IQCM: variants seen among roughly 807,000 people sequenced by gnomAD.
IQCM encodes IQ domain-containing protein M.
In IQCM, 45 loss-of-function variants were observed where a neutral mutation model predicts 57.6. That is an observed-to-expected ratio of 0.78 (90% CI 0.62 to 1.00). The LOEUF is 1.00. Among genes scored for constraint, IQCM ranks in the 50% least tolerant of loss-of-function variants. The pLI is 0.00. For synonymous variants in IQCM, 148 were observed against 158.9 expected, an observed-to-expected ratio of 0.93 and a Z score of 0.51; for missense variants, 468 against 511.6, an observed-to-expected ratio of 0.91 and a Z score of 0.82.
intron 2 of IQCM, among the ~76,000 whole-genome samples, chr4:149,746,409 A>C (rs576920919): frequency 1.5e-4 from 23 of 152,162 alleles, no homozygotes; most frequent in Admixed American, 7.9e-4. Flanking sequence ...TCATTCTGGG[A>C]CTGCTGAAAT....
intron 9 of IQCM, 99 bp from the exon 10 acceptor site, chr4:149,563,989 A>C: frequency 1.7e-5 from 9 of 528,838 alleles, no homozygotes; most frequent in Non-Finnish European, 2.6e-5. Context: ...TGAAATAGGA[A>C]ATATATTATA....
chr4:149,613,946 C>T (rs902220961), intron 8 of IQCM, among the ~76,000 whole-genome samples: 1 of 152,180 alleles, frequency 6.6e-6, no homozygotes, highest in South Asian at 2.1e-4. Context: ...ATATGTGCCA[C>T]ATTTTCTTAA....
rs951821381 is a variant in IQCM at position 149,352,059 on chromosome 4, T to C, written c.1398A>G (p.Gly466=). Residue 466 remains glycine (G), a synonymous_variant, in exon 14 of 14, where the codon GGA becomes GGG. Transcript: ENST00000636793. ...GEEGYRYIVN[G]HPALKRANIR... is the part of the protein sequence containing the mutation. ...TGTTAGCTCGTTTGAGTGCTGGATG[T>C]CCATTTACTATAATACAAAACATAC... 1 of 398,878 alleles carries C rather than the reference T, an allele frequency of 2.5e-6. No individual in the cohort carries two copies. Among genetic ancestry groups the C allele is most frequent in the African/African-American group, 2.1e-5 (1 of 48,642 alleles). The allele number at this position is 398,878 out of a possible 1,614,324, so 24.7% of individuals were successfully genotyped here. A position where few individuals can be genotyped will look rare whatever the true frequency, so the allele number is the denominator to read the frequency against.
At chr4:149,623,892 A>G (rs945743732) in intron 7 of IQCM, among the ~76,000 whole-genome samples, 1 of 152,214 alleles carries the variant, frequency 6.6e-6, no homozygotes, top group African/African-American at 2.4e-5. Context: ...CAAGATTTGG[A>G]AAGAAACCAA....
At chr4:149,745,106 AG>A (rs1464947416) in intron 2 of IQCM, among the ~76,000 whole-genome samples, 4 of 152,170 alleles carry the variant, frequency 2.6e-5, no homozygotes, top group Non-Finnish European at 5.9e-5. Context: ...ACTGAATACC[AG>A]TCCTGAGTGG....
chr4:149,414,395 T>C (rs923179325), intron 13 of IQCM, among the ~76,000 whole-genome samples: 17 of 152,142 alleles, frequency 1.1e-4, no homozygotes, highest in African/African-American at 3.6e-4. Context: ...TTTTCTATTA[T>C]ATAAGAATGC....
At chr4:149,533,410 G>T (rs988873880) in intron 12 of IQCM, among the ~76,000 whole-genome samples, 15 of 152,156 alleles carry the variant, frequency 9.9e-5, no homozygotes, top group African/African-American at 2.4e-5. Flanking sequence ...AGTATAAAAA[G>T]GGATCCATAA....
At chr4:149,802,807 C>A (rs1773721901) in intron 2 of IQCM, among the ~76,000 whole-genome samples, 1 of 151,876 alleles carries the variant, frequency 6.6e-6, no homozygotes, top group South Asian at 2.1e-4. Context: ...CCTAAAAGTT[C>A]TTTATTGTGG....
chr4:149,694,095 A>G (rs1461637668), intron 5 of IQCM, among the ~76,000 whole-genome samples: 2 of 152,226 alleles, frequency 1.3e-5, no homozygotes, highest in Non-Finnish European at 2.9e-5. Flanking sequence ...AACATTTGTT[A>G]TAAGAATCAA....
chr4:149,743,028 G>A (rs968958895), intron 2 of IQCM, among the ~76,000 whole-genome samples: 1 of 152,124 alleles, frequency 6.6e-6, no homozygotes, highest in Admixed American at 6.6e-5. Context: ...TTGGAGCTTA[G>A]AGAAGTAAAA....
At chr4:149,397,340 A>C (rs1228515635) in intron 13 of IQCM, among the ~76,000 whole-genome samples, 2 of 151,998 alleles carry the variant, frequency 1.3e-5, no homozygotes, top group East Asian at 3.9e-4. Context: ...CAATTGGTAT[A>C]GTTTGACTCT....
At chr4:149,747,579 T>A (rs894524584) in intron 2 of IQCM, among the ~76,000 whole-genome samples, 4 of 152,246 alleles carry the variant, frequency 2.6e-5, no homozygotes, top group Non-Finnish European at 2.9e-5. Context: ...AATCTACATA[T>A]GTGGAATCCA....
chr4:149,414,747 CCTT>C (rs1406271745), intron 13 of IQCM, among the ~76,000 whole-genome samples: 5 of 151,872 alleles, frequency 3.3e-5, no homozygotes, highest in Non-Finnish European at 5.9e-5. Context: ...TAAGATTTCT[CCTT>C]CTAGCAACAA....
intron 12 of IQCM, among the ~76,000 whole-genome samples, chr4:149,541,370 C>T (rs1747830594): frequency 6.6e-6 from 1 of 151,924 alleles, no homozygotes; most frequent in African/African-American, 2.4e-5. Context: ...GTCTAGGGCT[C>T]CTCACTAAAA....
intron 3 of IQCM, chr4:149,737,515 A>T (rs1336292853): frequency 6.6e-6 from 1 of 152,202 alleles, no homozygotes; most frequent in African/African-American, 2.4e-5. Flanking sequence ...TGAAAATTTC[A>T]TAATAAATTA....
chr4:149,413,558 C>G (rs1369988484), intron 13 of IQCM, among the ~76,000 whole-genome samples: 1 of 151,972 alleles, frequency 6.6e-6, no homozygotes, highest in African/African-American at 2.4e-5. Flanking sequence ...TCTGCATGCT[C>G]TATATCAAGA....
At chr4:149,471,596 G>T (rs1310704495) in intron 12 of IQCM, among the ~76,000 whole-genome samples, 1 of 152,086 alleles carries the variant, frequency 6.6e-6, no homozygotes, top group Non-Finnish European at 1.5e-5. Flanking sequence ...GAAAAAGAGA[G>T]AATAATCCTC....
At chr4:149,697,269 C>T (rs1464742376) in intron 5 of IQCM, among the ~76,000 whole-genome samples, 1 of 152,038 alleles carries the variant, frequency 6.6e-6, no homozygotes, top group Admixed American at 6.6e-5. Flanking sequence ...AAGGTCTGTT[C>T]CTCCTCAGGG....
At chr4:149,740,475 A>G (rs6823493) in intron 3 of IQCM, among the ~76,000 whole-genome samples, 128,839 of 152,124 alleles carry the variant, frequency 0.85, 54,767 homozygotes, top group East Asian at 0.99. Context: ...ATAGAAGCCA[A>G]CATAAACCAC....
Sources: gnomAD v4.1 joint callset for allele counts (sites outside exome capture counted in the v4.1 genomes callset) on GRCh38, gnomAD v4.1.1 for gene constraint, MANE v1.5 for transcripts, NCBI Gene and HGNC (gene_info 2026-07-23, HGNC 2026-07-21) for gene names.